EXOC6: variants seen among roughly 807,000 people sequenced by gnomAD.
EXOC6 encodes the protein exocyst complex component 6.
Under a neutral mutation model 112.5 loss-of-function variants are expected in EXOC6, and 60 were observed. That is an observed-to-expected ratio of 0.53 (90% CI 0.43 to 0.66). The LOEUF (loss-of-function observed/expected upper bound fraction) is 0.66. Ranked by LOEUF, EXOC6 falls within the 30% of genes least tolerant of loss-of-function variation. The pLI, the probability that EXOC6 is intolerant of heterozygous loss-of-function variation, is 0.00. For synonymous variants in EXOC6, 295 were observed against 308.0 expected (o/e 0.96, Z 0.44); for missense variants, 855 against 957.1 (o/e 0.89, Z 1.41).
chr10:93,040,960 G>C (rs1024538566), intron 20 of EXOC6, among the ~76,000 whole-genome samples: 1 of 152,180 alleles, frequency 6.6e-6, no homozygotes, highest in Admixed American at 6.5e-5. Context: ...GAGCTGACCC[G>C]CTTTCATCAG....
chr10:93,008,610 T>A (rs1240536973), intron 19 of EXOC6, among the ~76,000 whole-genome samples: 3 of 152,230 alleles, frequency 2.0e-5, no homozygotes, highest in Non-Finnish European at 4.4e-5. Context: ...AAATTAGTCA[T>A]CAATTCTTTA....
chr10:92,892,607 A>G (rs1465999782), intron 1 of EXOC6, among the ~76,000 whole-genome samples: 2 of 152,228 alleles, frequency 1.3e-5, no homozygotes, highest in Non-Finnish European at 2.9e-5. Flanking sequence ...GTAAACAAAG[A>G]AGACACTTAC....
intron 20 of EXOC6, among the ~76,000 whole-genome samples, chr10:93,045,525 G>C (rs1845969178): frequency 6.6e-6 from 1 of 152,220 alleles, no homozygotes; most frequent in South Asian, 2.1e-4. Flanking sequence ...CTGGAGTATA[G>C]ACATGTTGGC....
At chr10:93,041,476 C>G (rs1845772622) in intron 20 of EXOC6, among the ~76,000 whole-genome samples, 2 of 152,144 alleles carry the variant, frequency 1.3e-5, no homozygotes, top group South Asian at 4.1e-4. Flanking sequence ...ACTGCAACCT[C>G]TACCTCCTGG....
intron 17 of EXOC6, among the ~76,000 whole-genome samples, chr10:92,958,707 A>T (rs1270981014): frequency 6.6e-6 from 1 of 152,210 alleles, no homozygotes; most frequent in Non-Finnish European, 1.5e-5. Flanking sequence ...CTTTAACTTT[A>T]TATGGAGACA....
intron 21 of EXOC6, among the ~76,000 whole-genome samples, 159 bp downstream of exon 21, chr10:93,057,195 C>T (rs1487450320): frequency 6.6e-6 from 1 of 152,004 alleles, no homozygotes; most frequent in Admixed American, 6.6e-5. Flanking sequence ...TCTTTCTTGC[C>T]CTTCAGAGTT....
At chr10:92,852,013 G>A (rs1447294192) in intron 1 of EXOC6, among the ~76,000 whole-genome samples, 1 of 152,186 alleles carries the variant, frequency 6.6e-6, no homozygotes, top group Non-Finnish European at 1.5e-5. Flanking sequence ...AGGCTGTAGA[G>A]AGCTGAGATT....
chr10:92,831,265 C>A, upstream of EXOC6: 2 of 1,233,760 alleles, frequency 1.6e-6, no homozygotes, highest in South Asian at 1.3e-5. Flanking sequence ...AACTGGGCCA[C>A]CAGGACAGAA....
At chr10:92,920,640 T>A (rs1589834397) in intron 8 of EXOC6, among the ~76,000 whole-genome samples, 1 of 152,208 alleles carries the variant, frequency 6.6e-6, no homozygotes, top group East Asian at 1.9e-4. Context: ...CGTCTTTTAC[T>A]TCCTTGTTGG....
rs141165489 is a variant in EXOC6, at chr10:92,946,139, A to C, written c.1311-2135A>C. On this transcript the variant is annotated intron_variant, in intron 13 of 21. Transcript: ENST00000260762. ...CCCCGTCTCTACTAAAAAAACAAAA[A>C]AAAAAAATTAGCTGGGCGTGGTGGC... 3.3e-3 allele frequency among the ~76,000 whole-genome samples: 502 copies of C among 152,092 alleles called. 3 individuals carry two copies. The highest frequency in any genetic ancestry group is 0.011 in the African/African-American group (476 of 41,510).
intron 1 of EXOC6, among the ~76,000 whole-genome samples, chr10:92,871,760 A>G (rs1346161647): frequency 1.3e-5 from 2 of 152,116 alleles, no homozygotes; most frequent in Admixed American, 1.3e-4. Context: ...GTGAGCTGAA[A>G]TTGTGCCACT....
Position 92,928,907 on chromosome 10 carries a change from A to T in EXOC6, c.972+485A>T, listed in dbSNP as rs568277837. Among the ~76,000 whole-genome samples the T allele has an allele frequency of 3.3e-5, 5 of 152,366 alleles. No homozygotes were observed. In the East Asian group the frequency reaches 9.6e-4, roughly 29 times the overall value. ...TAGAAGCTGAATATTGAAGAGTTTTATTGTATGTGACTAATACCTCAATAT... is the reference window on the plus strand; with the variant it reads ...TAGAAGCTGAATATTGAAGAGTTTTTTTGTATGTGACTAATACCTCAATAT... On this transcript the variant is annotated intron_variant, in intron 9 of 21. Coordinates refer to ENST00000260762, the MANE Select transcript of EXOC6 (RefSeq NM_019053.6).
intron 7 of EXOC6, among the ~76,000 whole-genome samples, chr10:92,919,116 C>CTA (rs1230746985): frequency 2.0e-5 from 3 of 152,006 alleles, no homozygotes; most frequent in African/African-American, 7.2e-5. Flanking sequence ...GAAAATAGAC[C>CTA]ATCTAGTCTT....
chr10:92,882,576 T>C (rs1311605230), intron 1 of EXOC6, among the ~76,000 whole-genome samples: 1 of 148,892 alleles, frequency 6.7e-6, no homozygotes, highest in Admixed American at 6.7e-5. Flanking sequence ...TGGGAGGTGG[T>C]GTCTTTGCTA....
At chr10:93,037,934 G>A (rs1170453460) in intron 20 of EXOC6, among the ~76,000 whole-genome samples, 5 of 149,920 alleles carry the variant, frequency 3.3e-5, no homozygotes. Flanking sequence ...CAGCTGCTCG[G>A]AAGGTGGAGG....
At chr10:92,946,142 A>C (rs1048498779) in intron 13 of EXOC6, among the ~76,000 whole-genome samples, 2 of 151,984 alleles carry the variant, frequency 1.3e-5, no homozygotes, top group African/African-American at 2.4e-5. Context: ...AACAAAAAAA[A>C]AAAATTAGCT....
intron 5 of EXOC6, chr10:92,901,711 G>T (rs1201891990): frequency 6.7e-6 from 1 of 149,172 alleles, no homozygotes; most frequent in African/African-American, 2.5e-5. Context: ...AAACTAAGAT[G>T]TATGGGTTGG....
At position 92,996,533 on chromosome 10, in the gene EXOC6, T is replaced by C. The variant is rs373285311; in HGVS notation, c.1954-941T>C. On this transcript the variant is annotated intron_variant, in intron 18 of 21. Coordinates refer to ENST00000260762, the MANE Select transcript of EXOC6 (RefSeq NM_019053.6). ...TTGGGAGGCTGAGGCAGGAGAATGG[T>C]GTGAACCCAGGAGGCAGAGCTTGCA... Among the ~76,000 whole-genome samples the C allele has an allele frequency of 2.0e-4, 30 of 150,950 alleles. No homozygotes were observed. The East Asian group carries it at 3.5e-3, about 18-fold the overall frequency.
At chr10:92,843,267 G>C (rs1432257102) in intron 1 of EXOC6, among the ~76,000 whole-genome samples, 1 of 152,162 alleles carries the variant, frequency 6.6e-6, no homozygotes, top group Non-Finnish European at 1.5e-5. Flanking sequence ...CTTACAGAGT[G>C]TGGCCACTTG....
Sources: gnomAD v4.1 joint callset for allele counts (sites outside exome capture counted in the v4.1 genomes callset) on GRCh38, gnomAD v4.1.1 for gene constraint, MANE v1.5 for transcripts, NCBI Gene and HGNC (gene_info 2026-07-23, HGNC 2026-07-21) for gene names.